Variants in C12orf54 observed in about 807,000 individuals in gnomAD.
C12orf54 encodes chromosome 12 open reading frame 54.
In C12orf54, 24 loss-of-function variants were observed where a neutral mutation model predicts 26.4. The ratio of observed to expected loss-of-function variants is 0.91; its 90% confidence interval spans 0.66 to 1.28. C12orf54 has a LOEUF of 1.28. C12orf54 is among the 50% of genes most tolerant of loss of function. The pLI is 0.00. For synonymous variants in C12orf54, 54 were observed against 47.0 expected (o/e 1.15, Z -0.61); for missense variants, 154 against 150.9 (o/e 1.02, Z -0.11).
chr12:48,490,160 GA>G (rs1465488085), intron 5 of C12orf54, among the ~76,000 whole-genome samples: 2 of 152,230 alleles, frequency 1.3e-5, no homozygotes, highest in Non-Finnish European at 2.9e-5. Context: ...TAAAAGATGT[GA>G]GGCCTTGGTA....
intron 2 of C12orf54, among the ~76,000 whole-genome samples, chr12:48,485,692 A>C (rs1271209945): frequency 6.6e-6 from 1 of 152,218 alleles, no homozygotes; most frequent in Non-Finnish European, 1.5e-5. Flanking sequence ...TGCCAAGAAT[A>C]AGCAAATCTT....
In C12orf54 at chr12:48,488,824, T is replaced by C. The variant is rs1937718490; in HGVS notation, c.136-100T>C. On this transcript the variant is annotated intron_variant, in intron 4 of 8. Coordinates refer to ENST00000548364, the MANE Select transcript of C12orf54 (RefSeq NM_152319.4). ...TTGGCATTCACATTCTACAGCCTAG[T>C]GGCTAGGAGACTAGGTAACTTAATT... The C allele has an allele frequency of 9.2e-6, 9 of 983,034 alleles. No individual in the cohort carries two copies. In the African/African-American group the frequency reaches 9.8e-5, roughly 11 times the overall value. The allele number at this position is 983,034 out of a possible 1,614,324, so 60.9% of individuals were successfully genotyped here.
chr12:48,427,149 T>C, the C12orf54 span, among the ~76,000 whole-genome samples: 2 of 152,184 alleles, frequency 1.3e-5, no homozygotes, highest in Admixed American at 1.3e-4. Flanking sequence ...CATCCTTGTC[T>C]TGTGCCAGCT....
intron 5 of C12orf54, among the ~76,000 whole-genome samples, chr12:48,489,911 G>T (rs1219599206): frequency 1.3e-5 from 2 of 151,518 alleles, no homozygotes; most frequent in Admixed American, 6.6e-5. Flanking sequence ...TAGTAGAAAT[G>T]GGGTTTCACC....
chr12:48,431,569 C>A, the C12orf54 span, among the ~76,000 whole-genome samples: 1 of 151,850 alleles, frequency 6.6e-6, no homozygotes. Context: ...CACAAGTGTA[C>A]AATAATCATC....
chr12:48,418,801 A>G, the C12orf54 span, among the ~76,000 whole-genome samples: 1 of 152,172 alleles, frequency 6.6e-6, no homozygotes, highest in Non-Finnish European at 1.5e-5. Context: ...AATAAGCCAC[A>G]TGATGTTAAA....
the C12orf54 span, among the ~76,000 whole-genome samples, chr12:48,429,107 A>T: frequency 6.6e-6 from 1 of 152,204 alleles, no homozygotes; most frequent in Non-Finnish European, 1.5e-5. Flanking sequence ...CATTCGACAA[A>T]AATCCAGCAC....
chr12:48,435,972 T>G, the C12orf54 span, among the ~76,000 whole-genome samples: 1 of 152,088 alleles, frequency 6.6e-6, no homozygotes, highest in East Asian at 1.9e-4. Flanking sequence ...GCAAATTGGA[T>G]AAAGAGTCAA....
the C12orf54 span, among the ~76,000 whole-genome samples, chr12:48,429,151 A>G: frequency 6.6e-6 from 1 of 152,182 alleles, no homozygotes; most frequent in Non-Finnish European, 1.5e-5. Flanking sequence ...CAAAATCGGC[A>G]TACAAGGAAC....
intron 8 of C12orf54, 104 bp downstream of exon 8, chr12:48,495,083 C>A (rs1937883238): frequency 1.2e-6 from 1 of 828,616 alleles, no homozygotes; most frequent in Non-Finnish European, 1.9e-6. Flanking sequence ...CAGGGCAGCA[C>A]CCCATGAAGC....
At chr12:48,491,938 C>T (rs567065416) in intron 6 of C12orf54, among the ~76,000 whole-genome samples, 4 of 152,238 alleles carry the variant, frequency 2.6e-5, no homozygotes, top group East Asian at 1.9e-4. Flanking sequence ...AAGAGACTCT[C>T]GTATGGTGCC....
the C12orf54 span, among the ~76,000 whole-genome samples, chr12:48,419,150 C>T: frequency 3.9e-5 from 6 of 152,308 alleles, no homozygotes; most frequent in East Asian, 1.2e-3. Flanking sequence ...TGCCAGAATC[C>T]TAATTTCAGC....
intron 4 of C12orf54, among the ~76,000 whole-genome samples, chr12:48,487,499 CTT>C (rs1365799607): frequency 1.3e-5 from 2 of 152,202 alleles, no homozygotes; most frequent in African/African-American, 4.8e-5. Context: ...AGGAAATAAT[CTT>C]AATTACAATG....
At chr12:48,424,533 T>C in the C12orf54 span, among the ~76,000 whole-genome samples, 1 of 145,964 alleles carries the variant, frequency 6.9e-6, no homozygotes, top group Non-Finnish European at 1.5e-5. Flanking sequence ...ATGGTTCAAA[T>C]GAAAAATATC....
At chr12:48,427,158 C>T in the C12orf54 span, among the ~76,000 whole-genome samples, 1 of 152,044 alleles carries the variant, frequency 6.6e-6, no homozygotes, top group African/African-American at 2.4e-5. Flanking sequence ...CTTGTGCCAG[C>T]TTTCAAGAGG....
chr12:48,481,394 A>C (rs1405333315), upstream of C12orf54, among the ~76,000 whole-genome samples: 2 of 152,084 alleles, frequency 1.3e-5, no homozygotes, highest in African/African-American at 4.8e-5. Flanking sequence ...TATGATGGAA[A>C]TGGCCCTGCT....
chr12:48,423,745 A>G, the C12orf54 span, among the ~76,000 whole-genome samples: 2 of 152,074 alleles, frequency 1.3e-5, no homozygotes, highest in African/African-American at 4.8e-5. Flanking sequence ...GACTAGTTCT[A>G]CTAACATTTG....
the C12orf54 span, among the ~76,000 whole-genome samples, chr12:48,457,931 C>T: frequency 6.6e-6 from 1 of 152,150 alleles, no homozygotes; most frequent in African/African-American, 2.4e-5. Context: ...CCCTTCAGGC[C>T]CCAGCAGCTT....
chr12:48,424,684 C>T, the C12orf54 span, among the ~76,000 whole-genome samples: 1 of 151,944 alleles, frequency 6.6e-6, no homozygotes, highest in East Asian at 1.9e-4. Flanking sequence ...ACCATGTGGC[C>T]CAGCAATTTC....
Sources: gnomAD v4.1 joint callset for allele counts (sites outside exome capture counted in the v4.1 genomes callset) on GRCh38, gnomAD v4.1.1 for gene constraint, MANE v1.5 for transcripts, NCBI Gene and HGNC (gene_info 2026-07-23, HGNC 2026-07-21) for gene names.